B3GALT1: variants seen among roughly 807,000 people sequenced by gnomAD.
The protein encoded by B3GALT1 is UDP-Gal:betaGlcNAc beta 1,3-galactosyltransferase, polypeptide 1.
B3GALT1 carries 10 observed loss-of-function variants against 23.2 expected under a neutral mutation model. That is an observed-to-expected ratio of 0.43 (90% CI 0.27 to 0.73). The LOEUF (loss-of-function observed/expected upper bound fraction) is 0.73, where lower values mean the gene tolerates loss of function less well. Among genes scored for constraint, B3GALT1 ranks in the 30% least tolerant of loss-of-function variants. The pLI is 0.21. For synonymous variants in B3GALT1, 156 were observed against 141.5 expected (o/e 1.10, Z -0.73); for missense variants, 299 against 405.4 (o/e 0.74, Z 2.25).
chr2:167,495,968 G>A (rs936436613), intron 2 of B3GALT1, among the ~76,000 whole-genome samples: 3 of 152,134 alleles, frequency 2.0e-5, no homozygotes, highest in Non-Finnish European at 4.4e-5. Flanking sequence ...TTTAAATATA[G>A]GTACAATTTG....
At chr2:167,814,066 A>G (rs1688943066) in intron 3 of B3GALT1, among the ~76,000 whole-genome samples, 1 of 152,254 alleles carries the variant, frequency 6.6e-6, no homozygotes, top group African/African-American at 2.4e-5. Context: ...ATTAGTATGA[A>G]TGACCATGTT....
chr2:167,334,069 T>G (rs1356267206), intron 1 of B3GALT1, among the ~76,000 whole-genome samples: 1 of 151,932 alleles, frequency 6.6e-6, no homozygotes, highest in African/African-American at 2.4e-5. Context: ...TTATGTCAGT[T>G]ACTATAATTG....
intron 3 of B3GALT1, among the ~76,000 whole-genome samples, chr2:167,711,452 G>T (rs1199216615): frequency 6.6e-6 from 1 of 152,194 alleles, no homozygotes; most frequent in East Asian, 1.9e-4. Flanking sequence ...GAAAAAGGTA[G>T]TACCTGACGG....
intron 2 of B3GALT1, among the ~76,000 whole-genome samples, chr2:167,579,282 G>C (rs1243334772): frequency 1.3e-5 from 2 of 151,744 alleles, no homozygotes; most frequent in African/African-American, 4.8e-5. Flanking sequence ...AATTTTTATA[G>C]AAAGAAACTC....
intron 2 of B3GALT1, among the ~76,000 whole-genome samples, chr2:167,544,312 T>TG (rs1177153189): frequency 6.6e-6 from 1 of 152,182 alleles, no homozygotes; most frequent in Non-Finnish European, 1.5e-5. Flanking sequence ...TGTTTGTTTT[T>TG]GGGACAGAGT....
intron 1 of B3GALT1, among the ~76,000 whole-genome samples, chr2:167,363,365 T>C (rs377380495): frequency 2.6e-5 from 4 of 152,186 alleles, no homozygotes; most frequent in Non-Finnish European, 5.9e-5. Context: ...TGAAGCCCCA[T>C]CTCAGTCACC....
At chr2:167,820,035 G>A (rs947822829) in intron 4 of B3GALT1, among the ~76,000 whole-genome samples, 3 of 152,166 alleles carry the variant, frequency 2.0e-5, no homozygotes, top group African/African-American at 7.2e-5. Flanking sequence ...CACAGACTAA[G>A]AGACATGAGA....
chr2:167,565,144 G>T (rs1684130128), intron 2 of B3GALT1, among the ~76,000 whole-genome samples: 1 of 152,142 alleles, frequency 6.6e-6, no homozygotes, highest in South Asian at 2.1e-4. Flanking sequence ...GCATGGTACT[G>T]GTACCAAAAC....
At chr2:167,548,755 A>C (rs984339368) in intron 2 of B3GALT1, among the ~76,000 whole-genome samples, 1 of 150,934 alleles carries the variant, frequency 6.6e-6, no homozygotes, top group African/African-American at 2.4e-5. Context: ...TTTTATCTTA[A>C]GTCTTAAATT....
chr2:167,836,976 C>A (rs527436577), intron 4 of B3GALT1, among the ~76,000 whole-genome samples: 3 of 152,208 alleles, frequency 2.0e-5, no homozygotes, highest in African/African-American at 7.2e-5. Flanking sequence ...CAAGCAAATG[C>A]TGAGAGATTT....
chr2:167,626,916 A>G (rs548095479), intron 2 of B3GALT1, among the ~76,000 whole-genome samples: 81 of 151,664 alleles, frequency 5.3e-4, no homozygotes, highest in Admixed American at 1.4e-3. Context: ...TTGATCCTAA[A>G]ACTCTTTACT....
intron 1 of B3GALT1, among the ~76,000 whole-genome samples, chr2:167,320,597 C>T (rs77584660): frequency 6.6e-6 from 1 of 152,002 alleles, no homozygotes; most frequent in Non-Finnish European, 1.5e-5. Flanking sequence ...GCCACTATTA[C>T]CTCTTTGCTC....
At chr2:167,699,783 G>A (rs1489583775) in intron 3 of B3GALT1, among the ~76,000 whole-genome samples, 2 of 152,054 alleles carry the variant, frequency 1.3e-5, no homozygotes, top group African/African-American at 4.8e-5. Flanking sequence ...TGCGATCTCG[G>A]CTCACTACAA....
Position 167,870,081 on chromosome 2 carries a change from G to A in B3GALT1, c.*61G>A. On this transcript the variant is annotated 3_prime_UTR_variant, in exon 5 of 5. Transcript: ENST00000392690. ...TTTAAGAAATGGGACCTAAGGTGTT[G>A]GTATTTTCCAGGTGTCGGGGGAAAT... 5 of 1,472,518 alleles carry A rather than the reference G, an allele frequency of 3.4e-6. No homozygotes were observed. The highest frequency in any genetic ancestry group is 3.6e-6 in the Non-Finnish European group (4 of 1,102,252). 91.2% of individuals were successfully genotyped at this position (1,472,518 alleles called of 1,614,324 possible). A position where few individuals can be genotyped will look rare whatever the true frequency, so the allele number is the denominator to read the frequency against.
At chr2:167,361,253 G>A (rs951675150) in intron 1 of B3GALT1, among the ~76,000 whole-genome samples, 4 of 134,956 alleles carry the variant, frequency 3.0e-5, no homozygotes, top group Admixed American at 1.6e-4. Context: ...TCCAGCAAAC[G>A]TCTTTTAAGA....
At chr2:167,553,028 C>A (rs751301634) in intron 2 of B3GALT1, among the ~76,000 whole-genome samples, 1 of 151,952 alleles carries the variant, frequency 6.6e-6, no homozygotes, top group East Asian at 1.9e-4. Context: ...CTATTTTATC[C>A]CTGATTATAT....
chr2:167,687,014 C>T (rs967353876), intron 3 of B3GALT1, among the ~76,000 whole-genome samples: 2 of 152,180 alleles, frequency 1.3e-5, no homozygotes, highest in African/African-American at 4.8e-5. Context: ...TTTCAATATT[C>T]TGCCGTGGGT....
At chr2:167,354,318 A>ACT (rs1697364803) in intron 1 of B3GALT1, among the ~76,000 whole-genome samples, 1 of 150,876 alleles carries the variant, frequency 6.6e-6, no homozygotes, top group African/African-American at 2.4e-5. Flanking sequence ...AGACTAGTAG[A>ACT]CTAGTTGTTT....
At chr2:167,732,173 A>G (rs1687420023) in intron 3 of B3GALT1, among the ~76,000 whole-genome samples, 1 of 152,228 alleles carries the variant, frequency 6.6e-6, no homozygotes, top group African/African-American at 2.4e-5. Flanking sequence ...TATGATCTCA[A>G]TATTTCTGTA....
Sources: allele counts gnomAD v4.1 joint callset (sites outside exome capture counted in the v4.1 genomes callset), GRCh38; gene constraint gnomAD v4.1.1; transcripts MANE v1.5; gene names NCBI Gene and HGNC (gene_info 2026-07-23, HGNC 2026-07-21).